The following TMPRSS11A variants were observed in gnomAD, a reference collection of about 807,000 sequenced individuals.
TMPRSS11A encodes transmembrane serine protease 11A.
TMPRSS11A carries 53 observed loss-of-function variants against 58.9 expected under a neutral mutation model. The ratio of observed to expected loss-of-function variants is 0.90; its 90% CI spans 0.72 to 1.13. The LOEUF (loss-of-function observed/expected upper bound fraction) is 1.13. TMPRSS11A is among the 50% of genes most tolerant of loss of function. The pLI is 0.00. For missense variants in TMPRSS11A, 493 were observed against 499.3 expected, an observed-to-expected ratio of 0.99 and a Z score of 0.12; for synonymous variants, 167 against 169.8, an observed-to-expected ratio of 0.98 and a Z score of 0.13.
rs1721418705 is a variant in TMPRSS11A at position 67,961,482 on chromosome 4, C to CTTTTTTTTTTTTTTTTTTTTTTTTT, written c.11+1900_11+1901insAAAAAAAAAAAAAAAAAAAAAAAAA. Among the ~76,000 whole-genome samples, 2 of 102,454 alleles carry CTTTTTTTTTTTTTTTTTTTTTTTTT rather than the reference C, an allele frequency of 2.0e-5. 1 individual carries two copies. The highest frequency in any genetic ancestry group is 9.5e-5 in the African/African-American group (2 of 20,958). The allele number at this position is 102,454 out of a possible 152,430, so 67.2% of individuals were successfully genotyped here. A position where few individuals can be genotyped will look rare whatever the true frequency, so the allele number is the denominator to read the frequency against. On this transcript the variant is annotated intron_variant, in intron 1 of 9. Transcript: ENST00000508048. ...CTTTTCTTTCCTTTCCTTTTCTTTT[C>CTTTTTTTTTTTTTTTTTTTTTTTTT]CTTTTTTTTTTTTTTTTTTTTTTTT...
chr4:67,956,307 G>C (rs888990656), intron 1 of TMPRSS11A, among the ~76,000 whole-genome samples: 2 of 152,164 alleles, frequency 1.3e-5, no homozygotes, highest in African/African-American at 4.8e-5. Flanking sequence ...TAAGATAAGG[G>C]AAGGACTTAT....
chr4:67,945,477 C>A (rs113603687), intron 2 of TMPRSS11A, among the ~76,000 whole-genome samples: 459 of 152,262 alleles, frequency 3.0e-3, no homozygotes, highest in Middle Eastern at 0.02. Context: ...TTTTGGACAT[C>A]CTGATTACTT....
At chr4:67,938,511 G>T (rs1284654734) in intron 3 of TMPRSS11A, among the ~76,000 whole-genome samples, 1 of 152,006 alleles carries the variant, frequency 6.6e-6, no homozygotes, top group Non-Finnish European at 1.5e-5. Flanking sequence ...TATTTCCTAG[G>T]TTTTCTTCTA....
At chr4:67,941,398 A>G (rs1243367360) in intron 3 of TMPRSS11A, among the ~76,000 whole-genome samples, 1 of 152,186 alleles carries the variant, frequency 6.6e-6, no homozygotes, top group African/African-American at 2.4e-5. Context: ...AAAATAATAT[A>G]AAGCCTTTTC....
chr4:67,961,286 G>T (rs563608516), intron 1 of TMPRSS11A, among the ~76,000 whole-genome samples: 8 of 152,214 alleles, frequency 5.3e-5, no homozygotes, highest in Non-Finnish European at 1.5e-5. Context: ...ATAGGGTATT[G>T]TAGTAATTAT....
chr4:67,930,112 T>C, intron 4 of TMPRSS11A, 72 bp from the exon 5 acceptor site: 2 of 1,402,162 alleles, frequency 1.4e-6, no homozygotes, highest in Non-Finnish European at 2.0e-6. Flanking sequence ...TACCTGTATC[T>C]TCCTCCCCTG....
Position 67,944,644 on chromosome 4 carries a change from T to A in TMPRSS11A, c.134-7A>T. 3 of 1,604,810 alleles carry A rather than the reference T, an allele frequency of 1.9e-6. No homozygotes were observed. The highest frequency in any genetic ancestry group is 3.4e-5 in the Admixed American group (2 of 58,032). On this transcript the variant is annotated splice_region_variant and splice_polypyrimidine_tract_variant and intron_variant, in intron 2 of 9. Transcript: ENST00000508048. ...TAGTACTCCTTTTTTTGGTCTGCAA[T>A]GGAAATGAAAAATAGGAAACTAAAT...
At chr4:67,941,694 T>C (rs1283965026) in intron 3 of TMPRSS11A, among the ~76,000 whole-genome samples, 1 of 152,166 alleles carries the variant, frequency 6.6e-6, no homozygotes, top group East Asian at 1.9e-4. Flanking sequence ...ACTATATGAA[T>C]TAAAAAACTG....
intron 3 of TMPRSS11A, among the ~76,000 whole-genome samples, chr4:67,935,438 A>G (rs983442598): frequency 6.6e-6 from 1 of 152,190 alleles, no homozygotes; most frequent in African/African-American, 2.4e-5. Context: ...GTTAATCTCA[A>G]ACTGACCTGT....
At chr4:67,948,337 T>G (rs1430946549) in intron 1 of TMPRSS11A, among the ~76,000 whole-genome samples, 1 of 151,996 alleles carries the variant, frequency 6.6e-6, no homozygotes, top group Non-Finnish European at 1.5e-5. Flanking sequence ...TTTTTGTATT[T>G]TTAGTAGAAA....
At chr4:67,953,291 T>C (rs1721206697) in intron 1 of TMPRSS11A, among the ~76,000 whole-genome samples, 1 of 152,208 alleles carries the variant, frequency 6.6e-6, no homozygotes. Context: ...TCCTCACTTA[T>C]GCAAGTCTTA....
Position 67,963,461 on chromosome 4 carries a change from G to A in TMPRSS11A, c.-68C>T. On this transcript the variant is annotated 5_prime_UTR_variant, in exon 1 of 10. Coordinates refer to ENST00000508048, the MANE Select transcript of TMPRSS11A (RefSeq NM_001114387.2). The stretch of plus-strand genomic sequence containing the variant: ...AACTCAACTTTCTAATCAACTATAT[G>A]ACATCTCTAGATGTATTAGAAGTCT... 3 of 1,534,972 alleles carry A rather than the reference G, an allele frequency of 2.0e-6. No individual in the cohort carries two copies. Among genetic ancestry groups the A allele is most frequent in the Non-Finnish European group, 2.7e-6 (3 of 1,112,708 alleles).
chr4:67,935,619 T>C (rs939119586), intron 3 of TMPRSS11A, among the ~76,000 whole-genome samples: 3 of 152,186 alleles, frequency 2.0e-5, no homozygotes, highest in African/African-American at 7.2e-5. Context: ...CTTTTCATAG[T>C]CTATAAAATC....
chr4:67,947,719 A>G (rs1222242497), intron 1 of TMPRSS11A, among the ~76,000 whole-genome samples: 3 of 152,218 alleles, frequency 2.0e-5, no homozygotes, highest in Non-Finnish European at 4.4e-5. Context: ...ATGATCAGCA[A>G]CAGTGCTTCT....
intron 9 of TMPRSS11A, among the ~76,000 whole-genome samples, chr4:67,913,310 G>C (rs1415897781): frequency 1.3e-5 from 2 of 152,212 alleles, no homozygotes; most frequent in Non-Finnish European, 2.9e-5. Context: ...TATGGAGAAA[G>C]ACGAGGTGTT....
intron 9 of TMPRSS11A, among the ~76,000 whole-genome samples, chr4:67,913,759 C>T (rs1720067773): frequency 6.6e-6 from 1 of 152,218 alleles, no homozygotes; most frequent in Non-Finnish European, 1.5e-5. Flanking sequence ...GTCCCTGCTC[C>T]TTTTCTGATA....
intron 1 of TMPRSS11A, among the ~76,000 whole-genome samples, chr4:67,960,631 T>G (rs961586746): frequency 6.6e-6 from 1 of 152,200 alleles, no homozygotes; most frequent in African/African-American, 2.4e-5. Context: ...TTATAACAAG[T>G]TTAGTAATTA....
chr4:67,927,416 C>T (rs353155), intron 5 of TMPRSS11A, among the ~76,000 whole-genome samples: 13,701 of 152,230 alleles, frequency 0.09, 757 homozygotes, highest in African/African-American at 0.16. Flanking sequence ...CCAGCCACAG[C>T]CTCACAGAGA....
chr4:67,947,430 C>T (rs377326283), intron 1 of TMPRSS11A, among the ~76,000 whole-genome samples: 12 of 152,286 alleles, frequency 7.9e-5, no homozygotes, highest in Middle Eastern at 3.4e-3. Flanking sequence ...TTGAAGAGAT[C>T]AAGCTAAACA....
Sources: allele counts gnomAD v4.1 joint callset (sites outside exome capture counted in the v4.1 genomes callset), GRCh38; gene constraint gnomAD v4.1.1; transcripts MANE v1.5; gene names NCBI Gene and HGNC (gene_info 2026-07-23, HGNC 2026-07-21).